FBLN1: variants seen among roughly 807,000 people sequenced by gnomAD.
FBLN1 encodes the protein fibulin-1.
In FBLN1, 34 loss-of-function variants were observed where a neutral mutation model predicts 89.7. The observed-to-expected ratio is 0.38, with a 90% confidence interval of 0.29 to 0.50. FBLN1 has a LOEUF of 0.50. Ranked by LOEUF, FBLN1 falls within the 20% of genes least tolerant of loss-of-function variation. FBLN1 has a pLI of 0.92. For synonymous variants in FBLN1, 393 were observed against 391.3 expected, an observed-to-expected ratio of 1.00 and a Z score of -0.05; for missense variants, 777 against 988.1, an observed-to-expected ratio of 0.79 and a Z score of 2.86.
intron 1 of FBLN1, among the ~76,000 whole-genome samples, chr22:45,504,613 A>G (rs1374758037): frequency 6.6e-6 from 1 of 152,146 alleles, no homozygotes; most frequent in Non-Finnish European, 1.5e-5. Flanking sequence ...GAGGAAGCTG[A>G]GGGCCTGAGA....
intron 16 of FBLN1, among the ~76,000 whole-genome samples, chr22:45,592,608 G>T (rs533640930): frequency 6.6e-6 from 1 of 152,334 alleles, no homozygotes; most frequent in East Asian, 1.9e-4. Context: ...GATGACAGGC[G>T]TGAGTCACCA....
Position 45,591,770 on chromosome 22 carries a change from G to C in FBLN1, c.1973-8537G>C, listed in dbSNP as rs149645264. Among the ~76,000 whole-genome samples, 372 of 151,148 alleles carry C rather than the reference G, an allele frequency of 2.5e-3. 3 individuals carry two copies. Among genetic ancestry groups the C allele is most frequent in the African/African-American group, 8.7e-3 (353 of 40,550 alleles). ...TTATGACTCAGCTAAGGGCAGTACA[G>C]TCGGGAAGTGTCCTGCGCGCCATTT... On this transcript the variant is annotated intron_variant, in intron 16 of 16. Coordinates refer to ENST00000327858, the MANE Select transcript of FBLN1 (RefSeq NM_006486.3).
In FBLN1 at chr22:45,563,435, A is replaced by G; in HGVS notation, c.1698-11076A>G. On this transcript the variant is annotated intron_variant, in intron 14 of 16. Coordinates refer to ENST00000327858, the MANE Select transcript of FBLN1 (RefSeq NM_006486.3). The surrounding 1 kb of genome is among the most constrained non-coding windows in gnomAD (Gnocchi z 5.7). The stretch of plus-strand genomic sequence containing the variant: ...CTTGTTACCCGGGGGTGAGCTGGGC[A>G]CTGGCCACCGCCTGGTACCCCCGAG... 2.8e-6 allele frequency: 4 copies of G among 1,433,794 alleles called. No homozygotes were observed. Among genetic ancestry groups the G allele is most frequent in the Non-Finnish European group, 3.7e-6 (4 of 1,072,050 alleles). The allele number at this position is 1,433,794 out of a possible 1,614,324, so 88.8% of individuals were successfully genotyped here.
At chr22:45,517,279 G>T in intron 1 of FBLN1, 1 of 302,800 alleles carries the variant, frequency 3.3e-6, no homozygotes, top group Non-Finnish European at 6.5e-6. Flanking sequence ...ACATCCTGCC[G>T]AGAGGTGACC....
Position 45,600,434 on chromosome 22 carries a change from G to A in FBLN1, c.2100G>A (p.Glu700=), listed in dbSNP as rs1412659570. ...TCAACGTCCACATCTTCGTCTCTGA[G>A]TACTGGTTCTGAGGGCTGGTCTGCC... ...NVVNVHIFVS[E]YWF Residue 700 remains glutamate, a synonymous_variant, in exon 17 of 17, where the codon GAG becomes GAA. Coordinates refer to ENST00000327858, the MANE Select transcript of FBLN1 (RefSeq NM_006486.3). The A allele has an allele frequency of 5.6e-6, 9 of 1,614,086 alleles. No individual in the cohort carries two copies. Among genetic ancestry groups the A allele is most frequent in the Non-Finnish European group, 7.6e-6 (9 of 1,180,060 alleles).
At chr22:45,551,173 C>T in intron 14 of FBLN1, 1 of 192,512 alleles carries the variant, frequency 5.2e-6, no homozygotes, top group East Asian at 1.2e-4. Flanking sequence ...TCACTCACTC[C>T]TAGGCCATCA....
At chr22:45,523,840 A>G (rs899174729) in intron 2 of FBLN1, among the ~76,000 whole-genome samples, 1 of 152,158 alleles carries the variant, frequency 6.6e-6, no homozygotes, top group African/African-American at 2.4e-5. Context: ...TGATTATTCT[A>G]TTTTTAATTT....
Position 45,548,760 on chromosome 22 carries a change from G to T in FBLN1, c.1573+16G>T. 6.2e-7 allele frequency: 1 copy of T among 1,612,084 alleles called. No homozygotes were observed. Reference sequence around the variant, plus strand: ...AACTGCCAAGGTGAGCAGGAGGGATGCCCTGGGGTCCCTCACGCTCTGCTT... The same window carrying T: ...AACTGCCAAGGTGAGCAGGAGGGATTCCCTGGGGTCCCTCACGCTCTGCTT... On this transcript the variant is annotated intron_variant, in intron 13 of 16. Transcript: ENST00000327858.
chr22:45,573,554 G>A (rs1449712588), intron 14 of FBLN1, among the ~76,000 whole-genome samples: 1 of 150,822 alleles, frequency 6.6e-6, no homozygotes, highest in Non-Finnish European at 1.5e-5. Flanking sequence ...GGTGGCATGC[G>A]CCTGTAATCC....
rs559571115 is a variant in FBLN1, at chr22:45,590,909, T to C, written c.1973-9398T>C. On this transcript the variant is annotated intron_variant, in intron 16 of 16. Coordinates refer to ENST00000327858, the MANE Select transcript of FBLN1 (RefSeq NM_006486.3). The surrounding 1 kb of genome is among the most constrained non-coding windows in gnomAD (Gnocchi z 4.1). ...CATCTGGGAGGGGCGTCTGGAGAAA[T>C]TGGAGTGGACTCCGAGTTTGGGTCG... 5.9e-5 allele frequency among the ~76,000 whole-genome samples: 9 copies of C among 151,988 alleles called. No individual in the cohort carries two copies. In the East Asian group the frequency reaches 7.8e-4, roughly 13 times the overall value.
Position 45,550,006 on chromosome 22 carries a change from T to A in FBLN1, c.1574-486T>A, listed in dbSNP as rs912389898. ...TGAGTCACACCTAGGGTAAGGGTGC[T>A]GAGCCTCGGGAGCCACAGAGAGGCT... is the stretch of plus-strand genomic sequence containing the variant. On this transcript the variant is annotated intron_variant, in intron 13 of 16. Coordinates refer to ENST00000327858, the MANE Select transcript of FBLN1 (RefSeq NM_006486.3). The surrounding 1 kb of genome is among the most constrained non-coding windows in gnomAD (Gnocchi z 8.4). 7.2e-5 allele frequency among the ~76,000 whole-genome samples: 11 copies of A among 152,152 alleles called. No individual in the cohort carries two copies. The highest frequency in any genetic ancestry group is 8.8e-5 in the Non-Finnish European group (6 of 68,008).
intron 14 of FBLN1, among the ~76,000 whole-genome samples, chr22:45,555,248 C>CATATATATATATATATATAT (rs71779159): frequency 2.1e-4 from 29 of 135,084 alleles, no homozygotes; most frequent in African/African-American, 6.7e-4. Flanking sequence ...ATGGAATATA[C>CATATATATATATATATATAT]ATATATATAT....
At chr22:45,567,643 G>A (rs2051616) in intron 14 of FBLN1, among the ~76,000 whole-genome samples, 88,216 of 151,818 alleles carry the variant, frequency 0.58, 25,743 homozygotes, top group African/African-American at 0.63. Flanking sequence ...AACGTGTAGC[G>A]TAGAGACTGG....
chr22:45,569,317 C>T (rs1352360865), intron 14 of FBLN1, among the ~76,000 whole-genome samples: 3 of 152,120 alleles, frequency 2.0e-5, no homozygotes, highest in Admixed American at 6.5e-5. Context: ...ATGAATGGGC[C>T]CTAATCCAAT....
At chr22:45,546,831 G>A (rs2088634648) in intron 11 of FBLN1, among the ~76,000 whole-genome samples, 1 of 152,222 alleles carries the variant, frequency 6.6e-6, no homozygotes, top group South Asian at 2.1e-4. Context: ...ACTTCCAGGG[G>A]CCAAGGCTGG....
Position 45,541,368 on chromosome 22 carries a change from T to C in FBLN1, c.1062T>C (p.Cys354=), listed in dbSNP as rs1569246695. The change falls in exon 9 of 17, where the codon TGT becomes TGC. Residue 354 remains cysteine, a synonymous_variant. Coordinates refer to ENST00000327858, the MANE Select transcript of FBLN1 (RefSeq NM_006486.3). ...ATCTCAACGAGGAGGGAACGCGCTG[T>C]GTTGGTTGGTATTAAGAAAACAAAT... ...GYHLNEEGTR[C]VDVDECAPPA... The C allele has an allele frequency of 6.2e-7, 1 of 1,614,242 alleles. No individual in the cohort carries two copies. The highest frequency in any genetic ancestry group is 1.1e-5 in the South Asian group (1 of 91,088).
intron 12 of FBLN1, 96 bp downstream of exon 12, chr22:45,547,300 G>T: frequency 6.5e-7 from 1 of 1,536,204 alleles, no homozygotes; most frequent in South Asian, 1.1e-5. Flanking sequence ...ACAGGGAAGA[G>T]CCTGCTGGGA....
chr22:45,597,268 T>G lies in FBLN1; in HGVS notation c.1973-3039T>G, dbSNP rs1282880341. Among the ~76,000 whole-genome samples, 1 of 152,196 alleles carries G rather than the reference T, an allele frequency of 6.6e-6. No individual in the cohort carries two copies. The highest frequency in any genetic ancestry group is 1.5e-5 in the Non-Finnish European group (1 of 68,044). ...TGCCCGCCTAAGCCTCCCAAAGTGC[T>G]GGGATTACAAGCGTGAGCCACTGCA... On this transcript the variant is annotated intron_variant, in intron 16 of 16. Transcript: ENST00000327858. The surrounding 1 kb of genome is among the most constrained non-coding windows in gnomAD (Gnocchi z 4.2).
Position 45,574,835 on chromosome 22 carries a change from G to A in FBLN1, c.1840+182G>A, listed in dbSNP as rs957136385. On this transcript the variant is annotated intron_variant, in intron 15 of 16. Coordinates refer to ENST00000327858, the MANE Select transcript of FBLN1 (RefSeq NM_006486.3). The surrounding 1 kb of genome is among the most constrained non-coding windows in gnomAD (Gnocchi z 4.1). Reference sequence around the variant, plus strand: ...CTCGCTCTGTCGCCCGGGCTGGAGTGCAGTGGTGCCATCTCGGCTCACTGC... The same window carrying A: ...CTCGCTCTGTCGCCCGGGCTGGAGTACAGTGGTGCCATCTCGGCTCACTGC... 6.8e-6 allele frequency among the ~76,000 whole-genome samples: 1 copy of A among 146,272 alleles called. No individual in the cohort carries two copies. The highest frequency in any genetic ancestry group is 1.5e-5 in the Non-Finnish European group (1 of 67,334).
Sources: allele counts gnomAD v4.1 joint callset (sites outside exome capture counted in the v4.1 genomes callset), GRCh38; gene constraint gnomAD v4.1.1; non-coding constraint Gnocchi (gnomAD v3.1); transcripts MANE v1.5; gene names NCBI Gene and HGNC (gene_info 2026-07-23, HGNC 2026-07-21).